The following DYRK4 variants were observed in gnomAD, a reference collection of about 807,000 sequenced individuals.
DYRK4 encodes the protein dual specificity tyrosine phosphorylation regulated kinase 4.
A neutral mutation model predicts 68.3 loss-of-function variants in DYRK4; 64 were observed. That is an observed-to-expected ratio of 0.94 (90% CI 0.77 to 1.15). The LOEUF (loss-of-function observed/expected upper bound fraction) is 1.15, where lower values mean the gene tolerates loss of function less well. DYRK4 is among the 50% of genes most tolerant of loss of function. DYRK4 has a pLI of 0.00. For missense variants in DYRK4, 740 were observed against 764.7 expected (o/e 0.97, Z 0.38); for synonymous variants, 274 against 289.9 (o/e 0.95, Z 0.56).
chr12:4,582,659 A>G (rs1321035131), intron 2 of DYRK4, among the ~76,000 whole-genome samples: 1 of 152,142 alleles, frequency 6.6e-6, no homozygotes. Context: ...GCTGGGGCCC[A>G]AATGCGGGTG....
chr12:4,589,142 C>G (rs1225776479), intron 3 of DYRK4, 125 bp downstream of exon 3: 1 of 778,460 alleles, frequency 1.3e-6, no homozygotes, highest in Non-Finnish European at 2.1e-6. Flanking sequence ...GATGACAGCA[C>G]TCTATCCACG....
At chr12:4,574,642 C>T (rs557754019) in intron 2 of DYRK4, among the ~76,000 whole-genome samples, 4 of 152,250 alleles carry the variant, frequency 2.6e-5, no homozygotes, top group Middle Eastern at 3.4e-3. Context: ...TTTCATTATA[C>T]GGGAACACTA....
intron 2 of DYRK4, among the ~76,000 whole-genome samples, chr12:4,583,445 C>T (rs560014276): frequency 1.3e-5 from 2 of 152,200 alleles, no homozygotes; most frequent in Admixed American, 1.3e-4. Flanking sequence ...TCCAGGAAGC[C>T]TCTGTGACCA....
At chr12:4,594,227 A>G (rs1944990579) in intron 6 of DYRK4, among the ~76,000 whole-genome samples, 1 of 152,118 alleles carries the variant, frequency 6.6e-6, no homozygotes, top group African/African-American at 2.4e-5. Flanking sequence ...GGAATCTCCA[A>G]TATAAATATG....
intron 9 of DYRK4, 50 bp from the exon 10 acceptor site, chr12:4,599,657 G>T: frequency 1.4e-6 from 2 of 1,439,738 alleles, no homozygotes; most frequent in Non-Finnish European, 9.7e-7. Context: ...TAAGTAGAGG[G>T]CCTAGGGCCG....
chr12:4,579,290 CATG>C (rs899926170), intron 2 of DYRK4, among the ~76,000 whole-genome samples: 1 of 151,608 alleles, frequency 6.6e-6, no homozygotes, highest in African/African-American at 2.4e-5. Flanking sequence ...TAATAATAAT[CATG>C]ATAATAATAA....
intron 2 of DYRK4, among the ~76,000 whole-genome samples, chr12:4,581,587 C>T (rs1029552440): frequency 2.0e-5 from 3 of 152,148 alleles, no homozygotes; most frequent in Non-Finnish European, 2.9e-5. Flanking sequence ...GAATAGAAGC[C>T]ACTAAGAACG....
At chr12:4,576,625 C>T (rs1944792067) in intron 2 of DYRK4, among the ~76,000 whole-genome samples, 1 of 152,338 alleles carries the variant, frequency 6.6e-6, no homozygotes, top group African/African-American at 2.4e-5. Flanking sequence ...ATTCTGCCTT[C>T]CCACCAACAA....
At chr12:4,576,023 T>C (rs542931253) in intron 2 of DYRK4, among the ~76,000 whole-genome samples, 3 of 152,316 alleles carry the variant, frequency 2.0e-5, no homozygotes, top group Non-Finnish European at 4.4e-5. Context: ...ATTGATACAT[T>C]ATTATTAGCT....
intron 10 of DYRK4, among the ~76,000 whole-genome samples, chr12:4,600,612 T>C (rs1001225497): frequency 2.7e-5 from 4 of 150,264 alleles, no homozygotes; most frequent in African/African-American, 9.8e-5. Context: ...GATCAATTTT[T>C]TTTCAGGGAA....
chr12:4,567,015 T>A (rs867713066), intron 1 of DYRK4, among the ~76,000 whole-genome samples: 13 of 152,246 alleles, frequency 8.5e-5, no homozygotes, highest in African/African-American at 2.9e-4. Flanking sequence ...TAAAGATCTA[T>A]CTTATTTTTT....
At chr12:4,610,367 G>T in intron 13 of DYRK4, 83 bp downstream of exon 13, 7 of 1,344,956 alleles carry the variant, frequency 5.2e-6, no homozygotes, top group Non-Finnish European at 7.0e-6. Flanking sequence ...AAAGACTAAG[G>T]CTGGGAGATA....
At chr12:4,605,185 C>CTTG (rs145844490) in intron 11 of DYRK4, 99 bp downstream of exon 11, 35,511 of 1,042,028 alleles carry the variant, frequency 0.034, 970 homozygotes, top group Non-Finnish European at 0.038. Context: ...GCCTGCATAC[C>CTTG]TTGTTGTTGT....
intron 10 of DYRK4, among the ~76,000 whole-genome samples, chr12:4,601,563 A>G (rs957834423): frequency 1.3e-5 from 2 of 148,302 alleles, no homozygotes; most frequent in African/African-American, 5.3e-5. Flanking sequence ...AAGTAAGTGG[A>G]AAAAAAACTG....
chr12:4,588,583 A>G (rs1243191077), intron 2 of DYRK4, among the ~76,000 whole-genome samples: 1 of 152,212 alleles, frequency 6.6e-6, no homozygotes, highest in Non-Finnish European at 1.5e-5. Flanking sequence ...AGGCAAGGCA[A>G]TGGCCATTTT....
rs532261174 is a variant in DYRK4, at chr12:4,573,249, A to G, written c.132+5201A>G. On this transcript the variant is annotated intron_variant, in intron 2 of 14. Coordinates refer to ENST00000543431, the MANE Select transcript of DYRK4 (RefSeq NM_001394779.1). ...AGTGGCTCAATGAAGATAGGCATTT[A>G]CTTCTATATAATGTCTACATTTGGA... 1.9e-5 allele frequency: 22 copies of G among 1,161,708 alleles called. No homozygotes were observed. In the South Asian group the frequency reaches 2.2e-4, roughly 12 times the overall value. 72.0% of individuals were successfully genotyped at this position (1,161,708 alleles called of 1,614,324 possible). A position where few individuals can be genotyped will look rare whatever the true frequency, so the allele number is the denominator to read the frequency against.
chr12:4,585,804 A>T (rs1170231351), intron 2 of DYRK4, among the ~76,000 whole-genome samples: 2 of 152,266 alleles, frequency 1.3e-5, no homozygotes, highest in Non-Finnish European at 2.9e-5. Flanking sequence ...GGTATTTTTA[A>T]TGATAAAAGC....
chr12:4,589,141 ACTCTAT>A, intron 3 of DYRK4, 124 bp downstream of exon 3: 1 of 774,510 alleles, frequency 1.3e-6, no homozygotes, highest in Non-Finnish European at 2.1e-6. Context: ...TGATGACAGC[ACTCTAT>A]CCACGTCACC....
chr12:4,598,114 C>T (rs545771970), intron 8 of DYRK4, among the ~76,000 whole-genome samples: 1 of 152,178 alleles, frequency 6.6e-6, no homozygotes, highest in East Asian at 1.9e-4. Flanking sequence ...TGGTGACTCA[C>T]ACCTGTAATC....
Sources: allele counts gnomAD v4.1 joint callset (sites outside exome capture counted in the v4.1 genomes callset), GRCh38; gene constraint gnomAD v4.1.1; transcripts MANE v1.5; gene names NCBI Gene and HGNC (gene_info 2026-07-23, HGNC 2026-07-21).